The following ODAD2 variants were observed in gnomAD, a reference collection of about 807,000 sequenced individuals.
The protein encoded by ODAD2 is outer dynein arm docking complex subunit 2, also known as outer dynein arm-docking complex subunit 2.
In ODAD2, 89 loss-of-function variants were observed where a neutral mutation model predicts 106.8. The observed-to-expected ratio is 0.83, with a 90% CI of 0.70 to 0.99. ODAD2 has a LOEUF of 0.99. Ranked by LOEUF, ODAD2 falls within the 50% of genes least tolerant of loss-of-function variation. The pLI, the probability that ODAD2 is intolerant of heterozygous loss-of-function variation, is 0.00. For synonymous variants in ODAD2, 404 were observed against 436.2 expected (o/e 0.93, Z 0.92); for missense variants, 1,168 against 1,238.5 (o/e 0.94, Z 0.85).
At chr10:27,978,242 C>G (rs1370439501) in intron 7 of ODAD2, among the ~76,000 whole-genome samples, 1 of 152,122 alleles carries the variant, frequency 6.6e-6, no homozygotes, top group Non-Finnish European at 1.5e-5. Context: ...AAAATCTGCA[C>G]AAACCATACC....
chr10:27,911,120 G>A (rs543760474), intron 16 of ODAD2, among the ~76,000 whole-genome samples: 2 of 152,244 alleles, frequency 1.3e-5, no homozygotes, highest in African/African-American at 4.8e-5. Context: ...TAGGAACACT[G>A]GGCGGCACTT....
rs71388944 is a variant in ODAD2, at chr10:27,952,074, C to CAAAAAAAAAAAAAAAAAAAA, written c.1387-7113_1387-7112insTTTTTTTTTTTTTTTTTTTT. On this transcript the variant is annotated intron_variant, in intron 10 of 19. Transcript: ENST00000305242. ...TGGGCAACAGACTGAGATGCCAACT[C>CAAAAAAAAAAAAAAAAAAAA]AAAAAAAAAAAAAAAAAAGACACAC... Among the ~76,000 whole-genome samples the CAAAAAAAAAAAAAAAAAAAA allele has an allele frequency of 3.5e-3, 155 of 43,882 alleles. 3 individuals carry two copies. The highest frequency in any genetic ancestry group is 3.8e-3 in the African/African-American group (48 of 12,580). The allele number at this position is 43,882 out of a possible 152,430, so 28.8% of individuals were successfully genotyped here. A position where few individuals can be genotyped will look rare whatever the true frequency, so the allele number is the denominator to read the frequency against.
chr10:27,862,388 T>C lies in ODAD2; in HGVS notation c.2799+46A>G. ...CATTGTTTTCATCACTACACCATGA[T>C]ATCTCAGGACAATATGCATGTAAAA... is the stretch of plus-strand genomic sequence containing the variant. On this transcript the variant is annotated intron_variant, in intron 18 of 19. Transcript: ENST00000305242. 3 of 1,458,412 alleles carry C rather than the reference T, an allele frequency of 2.1e-6. No homozygotes were observed. In the South Asian group the frequency reaches 4.0e-5, roughly 19 times the overall value. 90.3% of individuals were successfully genotyped at this position (1,458,412 alleles called of 1,614,324 possible).
At chr10:27,824,579 A>G (rs963358826) in intron 19 of ODAD2, among the ~76,000 whole-genome samples, 1 of 152,236 alleles carries the variant, frequency 6.6e-6, no homozygotes, top group Admixed American at 6.5e-5. Flanking sequence ...ATTCTGTTAT[A>G]GCAGCAGAAA....
At chr10:27,993,479 G>A (rs1378760740) in intron 2 of ODAD2, among the ~76,000 whole-genome samples, 3 of 151,842 alleles carry the variant, frequency 2.0e-5, no homozygotes, top group Non-Finnish European at 2.9e-5. Context: ...GGGAAACCCC[G>A]TCTCTACTAA....
chr10:27,987,278 A>G (rs1178787372), intron 3 of ODAD2, 108 bp downstream of exon 3: 2 of 985,640 alleles, frequency 2.0e-6, no homozygotes, highest in Non-Finnish European at 3.0e-6. Flanking sequence ...TGTAGATTGT[A>G]GAATCTTTTT....
intron 10 of ODAD2, among the ~76,000 whole-genome samples, chr10:27,949,064 C>T (rs1847148561): frequency 6.6e-6 from 1 of 151,972 alleles, no homozygotes; most frequent in African/African-American, 2.4e-5. Flanking sequence ...CAGAACAATG[C>T]CCCTCCCTTA....
chr10:27,896,956 C>T (rs1447147023), intron 17 of ODAD2, among the ~76,000 whole-genome samples: 1 of 152,064 alleles, frequency 6.6e-6, no homozygotes, highest in African/African-American at 2.4e-5. Flanking sequence ...GCTCCAGTGC[C>T]ATCCAACTTA....
At chr10:27,822,133 C>T (rs772537229) in intron 19 of ODAD2, among the ~76,000 whole-genome samples, 5 of 152,202 alleles carry the variant, frequency 3.3e-5, no homozygotes, top group African/African-American at 9.6e-5. Flanking sequence ...TTCATGCCCT[C>T]GGCATGCAGC....
chr10:27,923,694 T>C (rs1844952348), intron 16 of ODAD2, among the ~76,000 whole-genome samples: 2 of 152,016 alleles, frequency 1.3e-5, no homozygotes, highest in Admixed American at 1.3e-4. Context: ...ACACCTGTAA[T>C]CTCAGTGCTT....
chr10:27,984,189 G>A lies in ODAD2; in HGVS notation c.677C>T (p.Thr226Ile), dbSNP rs557070945. The change falls in exon 5 of 20, where the codon ACC (threonine) becomes ATC (isoleucine). Residue 226 changes from threonine to isoleucine, a missense_variant. Physicochemically the swap from Thr to Ile is moderately conservative, Grantham distance 89 (BLOSUM62 -1). Transcript: ENST00000305242. The stretch of plus-strand genomic sequence containing the variant: ...AGCCTGAGAAAACATCAAACCTGAG[G>A]TATATTCAATAGATTCCAAGACTGT... ...NQTVLESIEY[T>I]SDYEFSNGCR... 2 of 1,607,352 alleles carry A rather than the reference G, an allele frequency of 1.2e-6. No homozygotes were observed. Among genetic ancestry groups the A allele is most frequent in the East Asian group, 2.2e-5 (1 of 44,790 alleles).
At chr10:27,871,028 C>T (rs1290674031) in intron 17 of ODAD2, among the ~76,000 whole-genome samples, 1 of 152,146 alleles carries the variant, frequency 6.6e-6, no homozygotes, top group East Asian at 1.9e-4. Flanking sequence ...TGTTTCCTGA[C>T]TTTTTAATGA....
intron 7 of ODAD2, among the ~76,000 whole-genome samples, chr10:27,979,111 G>A (rs1849374410): frequency 6.6e-6 from 1 of 151,594 alleles, no homozygotes; most frequent in Non-Finnish European, 1.5e-5. Flanking sequence ...TCGGGAGCTT[G>A]AGGCACGAGA....
chr10:27,913,056 T>C (rs909305144), intron 16 of ODAD2, among the ~76,000 whole-genome samples: 48 of 152,302 alleles, frequency 3.2e-4, no homozygotes, highest in African/African-American at 1.1e-3. Context: ...TCATAGTTGG[T>C]ATAAACAATA....
intron 17 of ODAD2, among the ~76,000 whole-genome samples, chr10:27,874,640 C>T (rs925266039): frequency 6.6e-6 from 1 of 152,148 alleles, no homozygotes; most frequent in African/African-American, 2.4e-5. Context: ...CTATGAAATT[C>T]TGGGTTGAAA....
At chr10:27,852,712 G>C (rs1258791623) in intron 19 of ODAD2, among the ~76,000 whole-genome samples, 1 of 152,098 alleles carries the variant, frequency 6.6e-6, no homozygotes, top group Non-Finnish European at 1.5e-5. Flanking sequence ...CATAATCCCA[G>C]CACTTTGGGA....
intron 1 of ODAD2, 35 bp from the exon 2 acceptor site, chr10:27,995,215 G>A (rs186218115): frequency 3.1e-5 from 48 of 1,559,692 alleles, no homozygotes; most frequent in South Asian, 4.8e-5. Context: ...AGACAACAGC[G>A]TCCACCTTTT....
At chr10:27,835,424 G>A (rs552784857) in intron 19 of ODAD2, among the ~76,000 whole-genome samples, 6 of 152,238 alleles carry the variant, frequency 3.9e-5, no homozygotes, top group East Asian at 1.9e-4. Flanking sequence ...AACAACAACC[G>A]CTGCAGCAAC....
chr10:27,896,364 C>A (rs1477343521), intron 17 of ODAD2, among the ~76,000 whole-genome samples: 1 of 152,074 alleles, frequency 6.6e-6, no homozygotes, highest in Non-Finnish European at 1.5e-5. Flanking sequence ...AATTAGGATC[C>A]CTTTGATAAC....
Sources: gnomAD v4.1 joint callset for allele counts (sites outside exome capture counted in the v4.1 genomes callset) on GRCh38, gnomAD v4.1.1 for gene constraint, MANE v1.5 for transcripts, NCBI Gene and HGNC (gene_info 2026-07-23, HGNC 2026-07-21) for gene names.